Variants in CHN1 observed in about 807,000 individuals in gnomAD.
The protein encoded by CHN1 is chimerin 1, also known as N-chimaerin.
In CHN1, 37 loss-of-function variants were observed where a neutral mutation model predicts 59.5. That is an observed-to-expected ratio of 0.62 (90% confidence interval 0.48 to 0.82). The LOEUF (loss-of-function observed/expected upper bound fraction) is 0.82. CHN1 is among the 40% of genes least tolerant of loss of function. The pLI, the probability that CHN1 is intolerant of heterozygous loss-of-function variation, is 0.00. For synonymous variants in CHN1, 206 were observed against 200.4 expected (o/e 1.03, Z -0.24); for missense variants, 469 against 571.0 (o/e 0.82, Z 1.82).
chr2:174,925,790 C>A (rs1025928093), intron 3 of CHN1, among the ~76,000 whole-genome samples: 6 of 152,208 alleles, frequency 3.9e-5, no homozygotes, highest in Non-Finnish European at 8.8e-5. Flanking sequence ...TAGGCTGAAC[C>A]AATGTTCTTC....
intron 6 of CHN1, among the ~76,000 whole-genome samples, chr2:174,857,117 G>A (rs982749130): frequency 2.0e-5 from 3 of 152,102 alleles, no homozygotes; most frequent in Admixed American, 2.0e-4. Context: ...CACCTACACT[G>A]CAAACAAAAA....
At chr2:174,807,506 G>A (rs1045009159) in intron 11 of CHN1, among the ~76,000 whole-genome samples, 32 of 132,558 alleles carry the variant, frequency 2.4e-4, no homozygotes, top group Non-Finnish European at 4.1e-4. Context: ...GTGTGTGTGT[G>A]TGTGTGTTGC....
intron 7 of CHN1, among the ~76,000 whole-genome samples, chr2:174,835,413 G>A (rs372545709): frequency 6.6e-6 from 1 of 151,780 alleles, no homozygotes; most frequent in African/African-American, 2.4e-5. Flanking sequence ...CTGCATTTTT[G>A]GATCTGTGAC....
chr2:174,833,246 CTGT>C (rs1685941222), intron 7 of CHN1, among the ~76,000 whole-genome samples: 1 of 152,160 alleles, frequency 6.6e-6, no homozygotes, highest in South Asian at 2.1e-4. Context: ...TATTTTGCAC[CTGT>C]TATTAGGTAC....
intron 1 of CHN1, among the ~76,000 whole-genome samples, chr2:174,957,485 A>G (rs996791351): frequency 6.7e-6 from 1 of 149,112 alleles, no homozygotes; most frequent in Non-Finnish European, 1.5e-5. Flanking sequence ...GTTTGTCTTA[A>G]TAAGTAAACC....
chr2:174,863,787 C>G (rs1687135272), intron 6 of CHN1, among the ~76,000 whole-genome samples: 1 of 151,894 alleles, frequency 6.6e-6, no homozygotes, highest in Non-Finnish European at 1.5e-5. Context: ...TACATTAATA[C>G]AGATGTTTAG....
rs559130125 is a variant in CHN1, at chr2:174,998,417, G to C, written c.19+6477C>G. ...AGAATTTGCAGTTTAAAAAGCCTCA[G>C]ACTCATTCAGTTTTGAAATGTCAAG... is the stretch of plus-strand genomic sequence containing the variant. On this transcript the variant is annotated intron_variant, in intron 1 of 12. Transcript: ENST00000409900. Among the ~76,000 whole-genome samples the C allele has an allele frequency of 7.6e-4, 114 of 150,950 alleles. 1 individual carries two copies. The highest frequency in any genetic ancestry group is 2.6e-3 in the African/African-American group (105 of 41,086).
At chr2:174,913,562 G>GA (rs987588828) in intron 5 of CHN1, among the ~76,000 whole-genome samples, 4 of 151,978 alleles carry the variant, frequency 2.6e-5, no homozygotes, top group South Asian at 2.1e-4. Flanking sequence ...ATTTAAACCT[G>GA]AAAAAAACAG....
intron 12 of CHN1, 22 bp downstream of exon 12, chr2:174,801,685 A>T: frequency 1.3e-6 from 2 of 1,573,100 alleles, no homozygotes; most frequent in Non-Finnish European, 1.7e-6. Context: ...TACAAGTGTA[A>T]GACTCAAAGT....
At chr2:174,895,458 A>G (rs1439179070) in intron 5 of CHN1, among the ~76,000 whole-genome samples, 1 of 152,012 alleles carries the variant, frequency 6.6e-6, no homozygotes, top group Non-Finnish European at 1.5e-5. Context: ...ATGGGTACAG[A>G]TTTTCAGTCA....
intron 1 of CHN1, among the ~76,000 whole-genome samples, chr2:174,976,609 A>G (rs1458146974): frequency 6.6e-6 from 1 of 152,190 alleles, no homozygotes; most frequent in Non-Finnish European, 1.5e-5. Flanking sequence ...TATCTTCATT[A>G]AATTCTAGTT....
chr2:174,967,055 TA>T (rs1690614708), intron 1 of CHN1, among the ~76,000 whole-genome samples: 1 of 152,104 alleles, frequency 6.6e-6, no homozygotes, highest in Non-Finnish European at 1.5e-5. Flanking sequence ...ATCTCACGTC[TA>T]AAATGCGGCT....
chr2:174,979,306 T>A (rs774849923), intron 1 of CHN1, among the ~76,000 whole-genome samples: 1 of 152,208 alleles, frequency 6.6e-6, no homozygotes, highest in Non-Finnish European at 1.5e-5. Context: ...AATTTTTACA[T>A]AGAATAATTA....
intron 6 of CHN1, among the ~76,000 whole-genome samples, chr2:174,867,724 G>T (rs890707018): frequency 6.6e-6 from 1 of 151,898 alleles, no homozygotes; most frequent in Non-Finnish European, 1.5e-5. Context: ...ACATAAAGCA[G>T]ATATATATAT....
intron 5 of CHN1, among the ~76,000 whole-genome samples, chr2:174,900,723 T>C (rs112811771): frequency 0.041 from 6,181 of 151,908 alleles, 196 homozygotes; most frequent in South Asian, 0.12. Flanking sequence ...GAGAATCGCT[T>C]GAACCCAGGA....
rs1684727028 is a variant in CHN1 at position 174,801,729 on chromosome 2, A to AC, written c.1185dup (p.Tyr396ValfsTer45). The AC allele has an allele frequency of 6.2e-7, 1 of 1,613,252 alleles. No individual in the cohort carries two copies. The highest frequency in any genetic ancestry group is 1.1e-5 in the South Asian group (1 of 91,074). On this transcript the variant is annotated frameshift_variant, in exon 12 of 13. Coordinates refer to ENST00000409900, the MANE Select transcript of CHN1 (RefSeq NM_001822.7). LOFTEE classifies it high-confidence loss of function. ...TGCCTCTTTAGATGTGCCATGAGGTACCGGAGGGTTTCGCAGTGAGCAGGT... is the reference window on the plus strand; with the variant it reads ...TGCCTCTTTAGATGTGCCATGAGGTACCCGGAGGGTTTCGCAGTGAGCAGGT...
At chr2:174,988,562 A>G (rs1477234812) in intron 1 of CHN1, among the ~76,000 whole-genome samples, 2 of 152,286 alleles carry the variant, frequency 1.3e-5, no homozygotes, top group Non-Finnish European at 2.9e-5. Flanking sequence ...TTATAACAAT[A>G]TATTTAGTTG....
chr2:174,908,439 C>T (rs1466568741), intron 5 of CHN1, among the ~76,000 whole-genome samples: 2 of 152,132 alleles, frequency 1.3e-5, no homozygotes, highest in South Asian at 2.1e-4. Context: ...CCTTCAATGA[C>T]TCCCATTTCC....
intron 1 of CHN1, among the ~76,000 whole-genome samples, chr2:174,960,962 G>A (rs1231419295): frequency 6.6e-6 from 1 of 151,060 alleles, no homozygotes; most frequent in Non-Finnish European, 1.5e-5. Flanking sequence ...CTTGTCTCTA[G>A]AAAAAAGACA....
Sources: allele counts gnomAD v4.1 joint callset (sites outside exome capture counted in the v4.1 genomes callset), GRCh38; gene constraint gnomAD v4.1.1; transcripts MANE v1.5; gene names NCBI Gene and HGNC (gene_info 2026-07-23, HGNC 2026-07-21).